Variants in STPG2 observed in about 807,000 individuals in gnomAD.
The protein encoded by STPG2 is sperm-tail PG-rich repeat-containing protein 2.
Under a neutral mutation model 54.2 loss-of-function variants are expected in STPG2, and 56 were observed. The observed-to-expected ratio is 1.03, with a 90% CI of 0.83 to 1.29. The LOEUF (loss-of-function observed/expected upper bound fraction) is 1.29, where lower values mean the gene tolerates loss of function less well. Ranked by LOEUF, STPG2 falls within the 50% of genes most tolerant of loss-of-function variation. The pLI, the probability that STPG2 is intolerant of heterozygous loss-of-function variation, is 0.00. For synonymous variants in STPG2, 200 were observed against 181.8 expected, an observed-to-expected ratio of 1.10 and a Z score of -0.81; for missense variants, 596 against 544.9, an observed-to-expected ratio of 1.09 and a Z score of -0.93.
chr4:97,618,422 T>C (rs982378516), intron 10 of STPG2, among the ~76,000 whole-genome samples: 2 of 151,894 alleles, frequency 1.3e-5, no homozygotes, highest in Non-Finnish European at 2.9e-5. Context: ...CCCAGAATCA[T>C]GGGAAATTAA....
At chr4:97,498,299 G>C (rs1342423143) in intron 4 of STPG2, among the ~76,000 whole-genome samples, 2 of 151,786 alleles carry the variant, frequency 1.3e-5, no homozygotes, top group Non-Finnish European at 2.9e-5. Context: ...ATATTTAAAG[G>C]TATGTGTCAT....
At chr4:97,921,533 T>C (rs1048353121) in intron 8 of STPG2, among the ~76,000 whole-genome samples, 1 of 150,360 alleles carries the variant, frequency 6.7e-6, no homozygotes, top group Non-Finnish European at 1.5e-5. Context: ...GCTCCAATAG[T>C]ACACTAAATC....
intron 10 of STPG2, among the ~76,000 whole-genome samples, chr4:97,598,624 T>C (rs1733367793): frequency 6.6e-6 from 1 of 150,512 alleles, no homozygotes; most frequent in Admixed American, 6.6e-5. Context: ...GCTGCACACC[T>C]ACAACCCTCT....
intron 5 of STPG2, among the ~76,000 whole-genome samples, chr4:98,032,082 T>C (rs1736617217): frequency 1.3e-5 from 2 of 152,212 alleles, no homozygotes; most frequent in South Asian, 4.1e-4. Flanking sequence ...TTAGCATGGA[T>C]GTGGTGAACA....
At chr4:97,779,125 A>G (rs1180202688) in intron 9 of STPG2, among the ~76,000 whole-genome samples, 1 of 152,208 alleles carries the variant, frequency 6.6e-6, no homozygotes, top group East Asian at 1.9e-4. Context: ...CAGACGATCA[A>G]ACTTCTCCGA....
intron 9 of STPG2, among the ~76,000 whole-genome samples, chr4:97,816,437 A>T: frequency 6.6e-6 from 1 of 152,172 alleles, no homozygotes; most frequent in East Asian, 1.9e-4. Context: ...CTGGATCTAT[A>T]TCCTTAAGGA....
intron 8 of STPG2, among the ~76,000 whole-genome samples, chr4:97,920,517 G>A (rs1349486479): frequency 6.6e-6 from 1 of 152,112 alleles, no homozygotes; most frequent in African/African-American, 2.4e-5. Flanking sequence ...CGTAGTGAGG[G>A]CAGGTGTCAG....
At chr4:97,863,020 C>A (rs958406612) in intron 8 of STPG2, among the ~76,000 whole-genome samples, 14 of 152,206 alleles carry the variant, frequency 9.2e-5, no homozygotes. Flanking sequence ...GACACCCTAA[C>A]ATCACAATTA....
chr4:97,793,481 T>A (rs1358956770), intron 9 of STPG2, among the ~76,000 whole-genome samples: 8 of 151,908 alleles, frequency 5.3e-5, no homozygotes, highest in Non-Finnish European at 1.2e-4. Flanking sequence ...CTTACATACA[T>A]ATAAAACTTC....
chr4:97,922,865 T>C (rs1732159648), intron 8 of STPG2, among the ~76,000 whole-genome samples: 2 of 149,948 alleles, frequency 1.3e-5, no homozygotes, highest in African/African-American at 5.0e-5. Context: ...GGTGTCATTA[T>C]GTACCCTATG....
chr4:97,822,195 T>C (rs570298227), intron 9 of STPG2, among the ~76,000 whole-genome samples: 2 of 152,326 alleles, frequency 1.3e-5, no homozygotes, highest in African/African-American at 4.8e-5. Flanking sequence ...CTTTGCTGCT[T>C]AGAAATTTTT....
chr4:98,067,650 C>G (rs185525971), intron 5 of STPG2, among the ~76,000 whole-genome samples: 43 of 152,212 alleles, frequency 2.8e-4, no homozygotes, highest in Non-Finnish European at 2.8e-4. Context: ...TGAAAGAACT[C>G]TCACCCAGAT....
intron 5 of STPG2, among the ~76,000 whole-genome samples, chr4:98,081,873 A>G (rs1195038043): frequency 6.6e-6 from 1 of 152,222 alleles, no homozygotes; most frequent in African/African-American, 2.4e-5. Context: ...AGAAGTTATT[A>G]ATTAGTTCAG....
chr4:97,659,687 T>C (rs959073502), intron 10 of STPG2, among the ~76,000 whole-genome samples: 3 of 152,254 alleles, frequency 2.0e-5, no homozygotes, highest in Admixed American at 6.5e-5. Flanking sequence ...AGTTCAGTGA[T>C]ATAATAATGA....
At chr4:97,602,025 A>G (rs1190032053) in intron 10 of STPG2, among the ~76,000 whole-genome samples, 7 of 151,810 alleles carry the variant, frequency 4.6e-5, no homozygotes, top group Non-Finnish European at 1.0e-4. Flanking sequence ...TAGGTTTTAA[A>G]TAATTTTACA....
chr4:97,886,820 T>C (rs1388031726), intron 8 of STPG2, among the ~76,000 whole-genome samples: 2 of 152,208 alleles, frequency 1.3e-5, no homozygotes, highest in East Asian at 3.9e-4. Context: ...GGTGATTGAA[T>C]CATGTCAGTG....
chr4:98,072,269 G>A (rs1316751615), intron 5 of STPG2, among the ~76,000 whole-genome samples: 1 of 152,164 alleles, frequency 6.6e-6, no homozygotes, highest in Non-Finnish European at 1.5e-5. Flanking sequence ...GGACATGAAT[G>A]GAGCTGGAAG....
intron 10 of STPG2, among the ~76,000 whole-genome samples, chr4:97,578,063 C>G (rs1284967320): frequency 1.3e-5 from 2 of 151,448 alleles, no homozygotes; most frequent in African/African-American, 4.8e-5. Flanking sequence ...ATTAACCTCT[C>G]AGTTTACCAA....
intron 1 of STPG2, among the ~76,000 whole-genome samples, chr4:98,139,666 T>C (rs377673783): frequency 7.5e-6 from 1 of 133,384 alleles, no homozygotes; most frequent in Non-Finnish European, 1.7e-5. Context: ...AGCATATTCT[T>C]AGTATTGCTA....
Sources: gnomAD v4.1 joint callset for allele counts (sites outside exome capture counted in the v4.1 genomes callset) on GRCh38, gnomAD v4.1.1 for gene constraint, MANE v1.5 for transcripts, NCBI Gene and HGNC (gene_info 2026-07-23, HGNC 2026-07-21) for gene names.